The following GALNT18 variants were observed in gnomAD, a reference collection of about 807,000 sequenced individuals.
GALNT18 encodes GalNAc-transferase 18.
In GALNT18, 44 loss-of-function variants were observed where a neutral mutation model predicts 69.5. The observed-to-expected ratio is 0.63, with a 90% CI of 0.50 to 0.81. The LOEUF is 0.81. Among genes scored for constraint, GALNT18 ranks in the 40% least tolerant of loss-of-function variants. The pLI is 0.00. For missense variants in GALNT18, 715 were observed against 810.0 expected (o/e 0.88, Z 1.42); for synonymous variants, 364 against 318.2 (o/e 1.14, Z -1.53).
chr11:11,326,982 G>T, intron 9 of GALNT18, 104 bp downstream of exon 9: 5 of 835,212 alleles, frequency 6.0e-6, no homozygotes, highest in Non-Finnish European at 8.0e-6. Context: ...GAGCTGCCAT[G>T]ACAGAGCCTA....
chr11:11,508,935 T>C (rs1212459400), intron 1 of GALNT18, among the ~76,000 whole-genome samples: 1 of 152,208 alleles, frequency 6.6e-6, no homozygotes, highest in South Asian at 2.1e-4. Flanking sequence ...AAATCTTTGA[T>C]GGCTCCCAAG....
chr11:11,509,786 C>G (rs1046927217), intron 1 of GALNT18, among the ~76,000 whole-genome samples: 1 of 152,222 alleles, frequency 6.6e-6, no homozygotes, highest in Non-Finnish European at 1.5e-5. Flanking sequence ...GAATTCAAGA[C>G]CTTCACTGCC....
rs74755906 is a variant in GALNT18 at position 11,480,765 on chromosome 11, A to T, written c.236-31829T>A. Among the ~76,000 whole-genome samples the T allele has an allele frequency of 9.8e-5, 15 of 152,308 alleles. No homozygotes were observed. In the East Asian group the frequency reaches 2.7e-3, roughly 27 times the overall value. Reference sequence around the variant, plus strand: ...GCACTTCTCACAGCGTGCTCTACAGAACCCTAGTTCCGTGCAGAGTTATTA... The same window carrying T: ...GCACTTCTCACAGCGTGCTCTACAGTACCCTAGTTCCGTGCAGAGTTATTA... On this transcript the variant is annotated intron_variant, in intron 1 of 10. Transcript: ENST00000227756. The surrounding 1 kb of genome is among the most constrained non-coding windows in gnomAD (Gnocchi z 4.6).
At chr11:11,379,357 G>GCCTTTCTCTGGGGGTCATC in intron 3 of GALNT18, 93 bp from the exon 4 acceptor site, 1 of 1,276,598 alleles carries the variant, frequency 7.8e-7, no homozygotes, top group Non-Finnish European at 1.1e-6. Flanking sequence ...ATGACCCCCA[G>GCCTTTCTCTGGGGGTCATC]AGAAAGGCTG....
intron 1 of GALNT18, among the ~76,000 whole-genome samples, chr11:11,537,506 G>A (rs1335614996): frequency 9.2e-5 from 14 of 152,292 alleles, no homozygotes; most frequent in African/African-American, 3.1e-4. Flanking sequence ...GAAAGGATAT[G>A]TCCGTGTGTC....
chr11:11,390,891 C>T (rs1854175065), intron 3 of GALNT18, among the ~76,000 whole-genome samples: 1 of 152,204 alleles, frequency 6.6e-6, no homozygotes, highest in South Asian at 2.1e-4. Context: ...ACTTTGGGCA[C>T]AAGACTTAAA....
At chr11:11,367,282 T>G (rs1007425705) in intron 6 of GALNT18, among the ~76,000 whole-genome samples, 1 of 152,146 alleles carries the variant, frequency 6.6e-6, no homozygotes, top group Non-Finnish European at 1.5e-5. Flanking sequence ...TCCTGGAGGA[T>G]GAGATATCTG....
chr11:11,515,082 C>T (rs995817348), intron 1 of GALNT18, among the ~76,000 whole-genome samples: 16 of 152,192 alleles, frequency 1.1e-4, no homozygotes, highest in African/African-American at 3.9e-4. Context: ...GAATCTGCCA[C>T]TTTCTAGCTG....
At chr11:11,560,086 G>GGGATGGGGTGGAATAGAATGAGATAT (rs1858444549) in intron 1 of GALNT18, among the ~76,000 whole-genome samples, 4 of 20,404 alleles carry the variant, frequency 2.0e-4, no homozygotes, top group South Asian at 1.5e-3. Context: ...GGGATATGAT[G>GGGATGGGGTGGAATAGAATGAGATAT]GGCGGGATGG....
chr11:11,528,375 G>A (rs1393715627), intron 1 of GALNT18, among the ~76,000 whole-genome samples: 1 of 152,210 alleles, frequency 6.6e-6, no homozygotes, highest in Non-Finnish European at 1.5e-5. Flanking sequence ...TTACTTCAGA[G>A]ACTAGACAAG....
At position 11,465,285 on chromosome 11, in the gene GALNT18, G is replaced by T. The variant is rs1336049855; in HGVS notation, c.236-16349C>A. 6.6e-6 allele frequency among the ~76,000 whole-genome samples: 1 copy of T among 152,138 alleles called. No homozygotes were observed. The highest frequency in any genetic ancestry group is 6.5e-5 in the Admixed American group (1 of 15,284). ...CAGTGGGAGGGTCTGTATTTAGACT[G>T]ATTTCCCCTGAGACTGGGGAGTTGG... On this transcript the variant is annotated intron_variant, in intron 1 of 10. Coordinates refer to ENST00000227756, the MANE Select transcript of GALNT18 (RefSeq NM_198516.3). The surrounding 1 kb of genome is among the most constrained non-coding windows in gnomAD (Gnocchi z 5.7).
At chr11:11,273,301 C>T (rs1848865800) in intron 10 of GALNT18, among the ~76,000 whole-genome samples, 2 of 152,304 alleles carry the variant, frequency 1.3e-5, no homozygotes, top group African/African-American at 2.4e-5. Flanking sequence ...AACTACCCCT[C>T]TGACAAGGGA....
At chr11:11,275,080 A>G (rs921134750) in intron 10 of GALNT18, among the ~76,000 whole-genome samples, 1 of 152,236 alleles carries the variant, frequency 6.6e-6, no homozygotes, top group Admixed American at 6.5e-5. Flanking sequence ...CCGCTAGGTC[A>G]AATAGTATTT....
Position 11,620,461 on chromosome 11 carries a change from C to T in GALNT18, c.235+898G>A, listed in dbSNP as rs1860163638. Among the ~76,000 whole-genome samples, 1 of 152,152 alleles carries T rather than the reference C, an allele frequency of 6.6e-6. No homozygotes were observed. The highest frequency in any genetic ancestry group is 1.5e-5 in the Non-Finnish European group (1 of 68,022). ...TGCAACCCCCACCCTCCCTTTGGAC[C>T]CCCGCGCTGGTCTGGAGCGCACCCA... On this transcript the variant is annotated intron_variant, in intron 1 of 10. Transcript: ENST00000227756. This position sits in a 1 kb window ranked among gnomAD's most constrained non-coding sequence, Gnocchi z 6.9.
chr11:11,271,987 T>A (rs1848837660), intron 10 of GALNT18, among the ~76,000 whole-genome samples: 1 of 152,196 alleles, frequency 6.6e-6, no homozygotes, highest in African/African-American at 2.4e-5. Flanking sequence ...GGTTGCTGGC[T>A]GTGAGTCTGA....
chr11:11,513,085 A>T (rs951940837), intron 1 of GALNT18, among the ~76,000 whole-genome samples: 12 of 152,178 alleles, frequency 7.9e-5, no homozygotes, highest in Non-Finnish European at 1.5e-5. Flanking sequence ...ACAGAAATAC[A>T]TCTAGGGGAG....
At chr11:11,287,923 A>G (rs1849223312) in intron 10 of GALNT18, among the ~76,000 whole-genome samples, 1 of 152,136 alleles carries the variant, frequency 6.6e-6, no homozygotes. Flanking sequence ...TCATTGTGTA[A>G]TAACCTGCTG....
chr11:11,285,025 G>A (rs1479183397), intron 10 of GALNT18, among the ~76,000 whole-genome samples: 1 of 149,860 alleles, frequency 6.7e-6, no homozygotes, highest in Non-Finnish European at 1.5e-5. Context: ...ACTGAAGATG[G>A]GGTAACAGGA....
Position 11,448,955 on chromosome 11 carries a change from G to A in GALNT18, c.236-19C>T. The stretch of plus-strand genomic sequence containing the variant: ...GGAGCCTCTGGAGAAAGAAGGAACA[G>A]GAGACAGTGGGTCAGAGTGCACCCC... On this transcript the variant is annotated intron_variant, in intron 1 of 10. Coordinates refer to ENST00000227756, the MANE Select transcript of GALNT18 (RefSeq NM_198516.3). 2 of 1,553,700 alleles carry A rather than the reference G, an allele frequency of 1.3e-6. No individual in the cohort carries two copies. Among genetic ancestry groups the A allele is most frequent in the Non-Finnish European group, 8.7e-7 (1 of 1,150,526 alleles).
Sources: allele counts gnomAD v4.1 joint callset (sites outside exome capture counted in the v4.1 genomes callset), GRCh38; gene constraint gnomAD v4.1.1; non-coding constraint Gnocchi (gnomAD v3.1); transcripts MANE v1.5; gene names NCBI Gene and HGNC (gene_info 2026-07-23, HGNC 2026-07-21).